The following CLNK variants were observed in gnomAD, a reference collection of about 807,000 sequenced individuals.
CLNK encodes cytokine-dependent hematopoietic cell linker.
In CLNK, 74 loss-of-function variants were observed where a neutral mutation model predicts 68.6. The ratio of observed to expected loss-of-function variants is 1.08; its 90% CI spans 0.89 to 1.31. The LOEUF (loss-of-function observed/expected upper bound fraction) is 1.31. CLNK is among the 50% of genes most tolerant of loss of function. CLNK has a pLI of 0.00. For missense variants in CLNK, 553 were observed against 515.3 expected (o/e 1.07, Z -0.71); for synonymous variants, 198 against 172.2 (o/e 1.15, Z -1.17).
intron 15 of CLNK, among the ~76,000 whole-genome samples, chr4:10,516,807 T>C (rs998592996): frequency 6.6e-6 from 1 of 152,182 alleles, no homozygotes; most frequent in African/African-American, 2.4e-5. Flanking sequence ...CACCTCGGCC[T>C]CCCAAAGTGC....
intron 4 of CLNK, among the ~76,000 whole-genome samples, chr4:10,583,210 A>G (rs1427444000): frequency 6.6e-6 from 1 of 152,186 alleles, no homozygotes; most frequent in Non-Finnish European, 1.5e-5. Context: ...GTAGTGGTTC[A>G]TAAGTATGCC....
chr4:10,586,704 C>T (rs1028959238), intron 3 of CLNK, among the ~76,000 whole-genome samples: 1 of 152,116 alleles, frequency 6.6e-6, no homozygotes, highest in Non-Finnish European at 1.5e-5. Context: ...TACTCAGTAG[C>T]TTTCTGGATG....
At chr4:10,732,129 A>C in the CLNK span, among the ~76,000 whole-genome samples, 4 of 152,246 alleles carry the variant, frequency 2.6e-5, no homozygotes, top group Non-Finnish European at 5.9e-5. Context: ...ATAATTAGAA[A>C]GTAATGAGTT....
At chr4:10,586,219 G>C (rs1720960327) in intron 3 of CLNK, among the ~76,000 whole-genome samples, 1 of 152,018 alleles carries the variant, frequency 6.6e-6, no homozygotes, top group Admixed American at 6.6e-5. Flanking sequence ...GGGGACCCCT[G>C]ATCTACATGA....
chr4:10,704,622 A>C, the CLNK span, among the ~76,000 whole-genome samples: 2 of 152,032 alleles, frequency 1.3e-5, no homozygotes, highest in Non-Finnish European at 2.9e-5. Flanking sequence ...CTGAGACAAC[A>C]CACAGCCTCT....
Position 10,486,538 on chromosome 4 carries a change from A to G in CLNK, c.*3929T>C, listed in dbSNP as rs192124517. The G allele has an allele frequency of 6.6e-6, 1 of 152,272 alleles. No homozygotes were observed. The highest frequency in any genetic ancestry group is 1.9e-4 in the East Asian group (1 of 5,182). The allele number at this position is 152,272 out of a possible 1,614,324, so 9.4% of individuals were successfully genotyped here. ...TAATATACAATATAGGCTATCATAA[A>G]AATTTGTATTTGTGTACACACATAC... On this transcript the variant is annotated 3_prime_UTR_variant, in exon 19 of 19. Coordinates refer to ENST00000226951, the MANE Select transcript of CLNK (RefSeq NM_052964.4).
chr4:10,702,333 G>T, the CLNK span, among the ~76,000 whole-genome samples: 2 of 152,070 alleles, frequency 1.3e-5, no homozygotes, highest in Non-Finnish European at 2.9e-5. Flanking sequence ...AAAAAAATGG[G>T]CCATAAAGTG....
chr4:10,589,861 C>T (rs1445774314), intron 3 of CLNK, among the ~76,000 whole-genome samples: 1 of 152,186 alleles, frequency 6.6e-6, no homozygotes, highest in African/African-American at 2.4e-5. Context: ...CAAGCAAGGC[C>T]CATGTATTAG....
intron 2 of CLNK, among the ~76,000 whole-genome samples, chr4:10,621,773 T>C (rs929387687): frequency 7.9e-5 from 12 of 151,818 alleles, no homozygotes; most frequent in African/African-American, 2.4e-4. Flanking sequence ...CTGTGAACTT[T>C]CTTTGTGTGC....
rs1020412489 is a variant in CLNK, at chr4:10,667,890, T to C, written c.-21A>G. Reference sequence around the variant, plus strand: ...TTCATAGTTCTTGGCACCTGGCGGGTAAGAGGGATCTTCAATTCAGCCTGT... The same window carrying C: ...TTCATAGTTCTTGGCACCTGGCGGGCAAGAGGGATCTTCAATTCAGCCTGT... On this transcript the variant is annotated 5_prime_UTR_variant, in exon 2 of 19. Coordinates refer to ENST00000226951, the MANE Select transcript of CLNK (RefSeq NM_052964.4). 5.0e-6 allele frequency: 8 copies of C among 1,586,164 alleles called. No homozygotes were observed. Among genetic ancestry groups the C allele is most frequent in the Non-Finnish European group, 6.9e-6 (8 of 1,164,526 alleles).
chr4:10,546,264 A>G (rs1719228884), intron 8 of CLNK, among the ~76,000 whole-genome samples: 1 of 152,140 alleles, frequency 6.6e-6, no homozygotes, highest in African/African-American at 2.4e-5. Context: ...TCTGTAAATT[A>G]TTTCTCTGCT....
At chr4:10,630,762 C>T (rs1316444303) in intron 2 of CLNK, among the ~76,000 whole-genome samples, 1 of 152,116 alleles carries the variant, frequency 6.6e-6, no homozygotes, top group Admixed American at 6.6e-5. Context: ...AACAATAAGC[C>T]ATTACTTATG....
chr4:10,627,117 C>G (rs1722704716), intron 2 of CLNK, among the ~76,000 whole-genome samples: 1 of 152,112 alleles, frequency 6.6e-6, no homozygotes, highest in South Asian at 2.1e-4. Flanking sequence ...TTCTTTGAAG[C>G]TGTTGGCAGG....
At chr4:10,539,072 C>A (rs987201634) in intron 11 of CLNK, among the ~76,000 whole-genome samples, 1 of 152,322 alleles carries the variant, frequency 6.6e-6, no homozygotes, top group Non-Finnish European at 1.5e-5. Context: ...GTAAGCCAAT[C>A]AAACCTCTTT....
chr4:10,734,721 G>C, the CLNK span, among the ~76,000 whole-genome samples: 1 of 152,120 alleles, frequency 6.6e-6, no homozygotes, highest in Non-Finnish European at 1.5e-5. Context: ...AAGGATCTTG[G>C]ACTCTGGGGA....
intron 16 of CLNK, among the ~76,000 whole-genome samples, chr4:10,512,484 G>A (rs1277544049): frequency 6.6e-6 from 1 of 152,014 alleles, no homozygotes; most frequent in East Asian, 1.9e-4. Context: ...ACCCACCTTG[G>A]CCTCCCAAAG....
At chr4:10,597,251 AC>A (rs1721418744) in intron 3 of CLNK, among the ~76,000 whole-genome samples, 1 of 152,124 alleles carries the variant, frequency 6.6e-6, no homozygotes, top group Admixed American at 6.5e-5. Flanking sequence ...AAGAGAAGCC[AC>A]CCCAGGAAGG....
chr4:10,544,522 G>A (rs191905498), intron 8 of CLNK, among the ~76,000 whole-genome samples: 24 of 152,272 alleles, frequency 1.6e-4, no homozygotes, highest in Admixed American at 1.4e-3. Context: ...GCAGATTGGA[G>A]GACAGCACGG....
intron 12 of CLNK, among the ~76,000 whole-genome samples, chr4:10,530,785 G>A (rs1299170257): frequency 6.6e-6 from 1 of 152,158 alleles, no homozygotes. Flanking sequence ...ACGGAGTCCT[G>A]TATTCAGGCA....
Sources: allele counts gnomAD v4.1 joint callset (sites outside exome capture counted in the v4.1 genomes callset), GRCh38; gene constraint gnomAD v4.1.1; transcripts MANE v1.5; gene names NCBI Gene and HGNC (gene_info 2026-07-23, HGNC 2026-07-21).